Variants in DAAM1 observed in about 807,000 individuals in gnomAD.
DAAM1 encodes disheveled-associated activator of morphogenesis 1.
In DAAM1, 52 loss-of-function variants were observed where a neutral mutation model predicts 130.0. That is an observed-to-expected ratio of 0.40 (90% CI 0.32 to 0.50). The LOEUF (loss-of-function observed/expected upper bound fraction) is 0.50, where lower values mean the gene tolerates loss of function less well. DAAM1 is among the 20% of genes least tolerant of loss of function. The pLI, the probability that DAAM1 is intolerant of heterozygous loss-of-function variation, is 0.61. For synonymous variants in DAAM1, 452 were observed against 444.5 expected, an observed-to-expected ratio of 1.02 and a Z score of -0.21; for missense variants, 1,134 against 1,303.8, an observed-to-expected ratio of 0.87 and a Z score of 2.01.
At chr14:59,286,426 T>A (rs1883455979) in intron 2 of DAAM1, among the ~76,000 whole-genome samples, 2 of 151,686 alleles carry the variant, frequency 1.3e-5, no homozygotes, top group Non-Finnish European at 2.9e-5. Flanking sequence ...ATAACCAAAA[T>A]CAGAGCTAAA....
intron 3 of DAAM1, among the ~76,000 whole-genome samples, chr14:59,313,159 A>G (rs1237934824): frequency 2.0e-5 from 3 of 152,190 alleles, no homozygotes; most frequent in Non-Finnish European, 1.5e-5. Context: ...ATGCCTCACA[A>G]AGGAGGAGGA....
At chr14:59,243,104 G>A (rs1881202258) in intron 1 of DAAM1, among the ~76,000 whole-genome samples, 1 of 152,160 alleles carries the variant, frequency 6.6e-6, no homozygotes. Context: ...GTAGGGCTGG[G>A]AACTACTTTG....
rs1345397097 is a variant in DAAM1, at chr14:59,371,211, AAAAG to A, written c.*2356_*2359del. ...TTTTTGTTTTTTTAAATTAATGCCAAAAAGAAAATGCATAATTTGTAAACTTAAT... is the reference window on the plus strand; with the variant it reads ...TTTTTGTTTTTTTAAATTAATGCCAAAAAATGCATAATTTGTAAACTTAAT... On this transcript the variant is annotated 3_prime_UTR_variant, in exon 25 of 25. Transcript: ENST00000360909. The A allele has an allele frequency of 6.6e-6, 1 of 152,166 alleles. No individual in the cohort carries two copies. Among genetic ancestry groups the A allele is most frequent in the Non-Finnish European group, 1.5e-5 (1 of 68,016 alleles). 9.4% of individuals were successfully genotyped at this position (152,166 alleles called of 1,614,324 possible). A position where few individuals can be genotyped will look rare whatever the true frequency, so the allele number is the denominator to read the frequency against.
In DAAM1 at chr14:59,315,357, TAG is replaced by T. The variant is rs1566699130; in HGVS notation, c.345+8_345+9del. 6.2e-7 allele frequency: 1 copy of T among 1,613,134 alleles called. No individual in the cohort carries two copies. Among genetic ancestry groups the T allele is most frequent in the Non-Finnish European group, 8.5e-7 (1 of 1,179,288 alleles). ...AGCTCAATTCCATGGCTGCTGTAAGTAGACTTTTATGTTCTTTGACACACTGT... is the reference window on the plus strand; with the variant it reads ...AGCTCAATTCCATGGCTGCTGTAAGTACTTTTATGTTCTTTGACACACTGT... On this transcript the variant is annotated splice_region_variant and intron_variant, in intron 4 of 24. Transcript: ENST00000360909.
intron 1 of DAAM1, among the ~76,000 whole-genome samples, chr14:59,255,738 T>TA (rs34229563): frequency 0.16 from 24,412 of 152,224 alleles, 2,434 homozygotes; most frequent in East Asian, 0.33. Context: ...ACATGAATTC[T>TA]ATTGTTTCAG....
chr14:59,250,995 G>T (rs1457407627), intron 1 of DAAM1, among the ~76,000 whole-genome samples: 3 of 151,952 alleles, frequency 2.0e-5, no homozygotes, highest in Non-Finnish European at 4.4e-5. Context: ...CTCAAACTTT[G>T]CTGCACATTG....
chr14:59,366,825 G>A (rs1029118893), intron 23 of DAAM1, among the ~76,000 whole-genome samples: 1 of 152,042 alleles, frequency 6.6e-6, no homozygotes, highest in African/African-American at 2.4e-5. Context: ...TAAGAGGAAG[G>A]ATTGCCCAGG....
chr14:59,287,954 G>A (rs75565210), intron 2 of DAAM1, among the ~76,000 whole-genome samples: 16,534 of 152,026 alleles, frequency 0.11, 1,465 homozygotes, highest in African/African-American at 0.25. Flanking sequence ...AGAGGAGCAC[G>A]GACCATCAAA....
At chr14:59,286,382 G>T (rs1883453695) in intron 2 of DAAM1, among the ~76,000 whole-genome samples, 1 of 151,926 alleles carries the variant, frequency 6.6e-6, no homozygotes, top group Non-Finnish European at 1.5e-5. Context: ...AAAAACAAGA[G>T]CAAGTCAACT....
rs558281092 is a variant in DAAM1, at chr14:59,296,422, G to T, written c.273+5116G>T. Among the ~76,000 whole-genome samples the T allele has an allele frequency of 8.5e-5, 13 of 152,254 alleles. No individual in the cohort carries two copies. In the East Asian group the frequency reaches 2.5e-3, roughly 29 times the overall value. On this transcript the variant is annotated intron_variant, in intron 3 of 24. Transcript: ENST00000360909. ...ATGTGTATTGAGTATCTTCTCTGGG[G>T]CAGAGAAAACTAGACAGAGAATCTA...
Position 59,227,133 on chromosome 14 carries a change from C to A in DAAM1, c.-37-36308C>A, listed in dbSNP as rs147064538. ...GATTATATGGTATACCTTTAAAGTG[C>A]GTCTTTTACATTCCAGTTTAAGCTT... On this transcript the variant is annotated intron_variant, in intron 1 of 24. Transcript: ENST00000360909. Among the ~76,000 whole-genome samples the A allele has an allele frequency of 1.3e-4, 20 of 152,256 alleles. No individual in the cohort carries two copies. In the East Asian group the frequency reaches 3.7e-3, roughly 28 times the overall value.
At chr14:59,231,975 A>G (rs1889123089) in intron 1 of DAAM1, among the ~76,000 whole-genome samples, 1 of 152,144 alleles carries the variant, frequency 6.6e-6, no homozygotes, top group Non-Finnish European at 1.5e-5. Flanking sequence ...GAAATATACT[A>G]TTTGTTGAGA....
chr14:59,270,484 A>T (rs899980480), intron 2 of DAAM1, among the ~76,000 whole-genome samples: 25 of 152,100 alleles, frequency 1.6e-4, no homozygotes, highest in African/African-American at 5.8e-4. Context: ...TTCATGAGGG[A>T]TCCTCCCCCA....
At chr14:59,220,069 A>C (rs1343408359) in intron 1 of DAAM1, among the ~76,000 whole-genome samples, 1 of 152,144 alleles carries the variant, frequency 6.6e-6, no homozygotes, top group Non-Finnish European at 1.5e-5. Context: ...AACTACAGTG[A>C]AAAGTGTTGT....
chr14:59,299,238 CAAATAA>C (rs1257240474), intron 3 of DAAM1, among the ~76,000 whole-genome samples: 4 of 152,082 alleles, frequency 2.6e-5, no homozygotes, highest in African/African-American at 7.2e-5. Flanking sequence ...AAATAGAAGC[CAAATAA>C]ATACTTTGCA....
intron 18 of DAAM1, among the ~76,000 whole-genome samples, chr14:59,353,517 C>T (rs1327763277): frequency 6.6e-6 from 1 of 152,140 alleles, no homozygotes; most frequent in Non-Finnish European, 1.5e-5. Context: ...CATTTTCATT[C>T]CCTTTTATCT....
intron 20 of DAAM1, among the ~76,000 whole-genome samples, chr14:59,357,484 A>G (rs1886527217): frequency 6.6e-6 from 1 of 152,190 alleles, no homozygotes; most frequent in Non-Finnish European, 1.5e-5. Flanking sequence ...GTGAAGAGCA[A>G]AATTGAAATG....
rs748438089 is a variant in DAAM1, at chr14:59,263,658, G to A, written c.181G>A (p.Val61Met). 1.2e-6 allele frequency: 2 copies of A among 1,613,900 alleles called. No homozygotes were observed. Among genetic ancestry groups the A allele is most frequent in the East Asian group, 2.2e-5 (1 of 44,870 alleles). The change falls in exon 2 of 25, where the codon GTG becomes ATG. Residue 61 changes from valine to methionine, a missense_variant and splice_region_variant. This residue lies in a region of DAAM1 where 99 missense variants were observed against 86.4 expected (regional missense o/e 1.15). Coordinates refer to ENST00000360909, the MANE Select transcript of DAAM1 (RefSeq NM_001270520.2). ...EELDVMFSEL[V>M]DELDLTDKHR... ...GCTGGATGTCATGTTCAGTGAACTG[G>A]TGGTGAGTCCCAGTTTTCTATCCTG...
intron 1 of DAAM1, among the ~76,000 whole-genome samples, chr14:59,262,977 A>G (rs1882244915): frequency 6.6e-6 from 1 of 152,212 alleles, no homozygotes; most frequent in African/African-American, 2.4e-5. Context: ...AAGTGGATAT[A>G]TATGTCATAG....
Sources: allele counts gnomAD v4.1 joint callset (sites outside exome capture counted in the v4.1 genomes callset), GRCh38; gene constraint gnomAD v4.1.1; regional missense constraint gnomAD v4.1.1; transcripts MANE v1.5; gene names NCBI Gene and HGNC (gene_info 2026-07-23, HGNC 2026-07-21).